The following NDST1 variants were observed in gnomAD, a reference collection of about 807,000 sequenced individuals.
NDST1 encodes bifunctional heparan sulfate N-deacetylase/N-sulfotransferase 1.
A neutral mutation model predicts 92.8 loss-of-function variants in NDST1; 35 were observed. The observed-to-expected ratio is 0.38, with a 90% CI of 0.29 to 0.50. The LOEUF (loss-of-function observed/expected upper bound fraction) is 0.50, where lower values mean the gene tolerates loss of function less well. Among genes scored for constraint, NDST1 ranks in the 20% least tolerant of loss-of-function variants. The pLI, the probability that NDST1 is intolerant of heterozygous loss-of-function variation, is 0.94. For synonymous variants in NDST1, 493 were observed against 500.3 expected (o/e 0.99, Z 0.19); for missense variants, 822 against 1,182.7 (o/e 0.69, Z 4.47).
chr5:150,541,816 G>A, intron 9 of NDST1, 150 bp downstream of exon 9: 1 of 758,462 alleles, frequency 1.3e-6, no homozygotes, highest in Non-Finnish European at 2.3e-6. Context: ...AACACAAATT[G>A]CCTGTCAGTA....
At chr5:150,540,392 A>C in intron 8 of NDST1, 128 bp downstream of exon 8, 10 of 1,015,886 alleles carry the variant, frequency 9.8e-6, no homozygotes, top group South Asian at 1.7e-5. Context: ...ATGTAAACTC[A>C]GGTCCCCATC....
chr5:150,533,255 T>TC (rs1413992685), intron 4 of NDST1, among the ~76,000 whole-genome samples: 2 of 152,234 alleles, frequency 1.3e-5, no homozygotes, highest in Non-Finnish European at 2.9e-5. Flanking sequence ...CAGCCGCTTG[T>TC]CCCTCCCTGT....
At chr5:150,543,120 A>T in intron 10 of NDST1, 149 bp downstream of exon 10, 1 of 1,115,496 alleles carries the variant, frequency 9.0e-7, no homozygotes, top group Non-Finnish European at 1.3e-6. Context: ...TGACCCTTGA[A>T]TCATGGTGTG....
At chr5:150,509,468 G>A (rs540746125) in intron 1 of NDST1, among the ~76,000 whole-genome samples, 35 of 152,238 alleles carry the variant, frequency 2.3e-4, no homozygotes, top group Admixed American at 5.2e-4. Context: ...TCTGACCCTC[G>A]CTCCTGCCTC....
intron 1 of NDST1, among the ~76,000 whole-genome samples, chr5:150,518,300 C>T (rs1482131349): frequency 2.0e-5 from 3 of 152,050 alleles, no homozygotes; most frequent in African/African-American, 7.2e-5. Flanking sequence ...ACCCCCATCC[C>T]ATCCCCGTCT....
In NDST1 at chr5:150,541,745, T is replaced by C; in HGVS notation, c.1846+79T>C. ...CAGAATTCTGAGGACTGCCTTGCCC[T>C]GGCCCCACTCCCGGATAATTTGCTC... On this transcript the variant is annotated intron_variant, in intron 9 of 14. Transcript: ENST00000261797. The C allele has an allele frequency of 6.8e-6, 9 of 1,325,994 alleles. No individual in the cohort carries two copies. In the Admixed American group the frequency reaches 1.4e-4, roughly 21 times the overall value. The allele number at this position is 1,325,994 out of a possible 1,614,324, so 82.1% of individuals were successfully genotyped here. A position where few individuals can be genotyped will look rare whatever the true frequency, so the allele number is the denominator to read the frequency against.
Position 150,536,914 on chromosome 5 carries a change from C to T in NDST1, c.1437+1029C>T, listed in dbSNP as rs371073316. On this transcript the variant is annotated intron_variant, in intron 6 of 14. Transcript: ENST00000261797. ...ACTGGGGACACAGAAATGCACAGAA[C>T]GGAGGAAAGTTCCTGCCCTTGTAGA... is the stretch of plus-strand genomic sequence containing the variant. Among the ~76,000 whole-genome samples, 151 of 152,350 alleles carry T rather than the reference C, an allele frequency of 9.9e-4. 3 individuals are homozygous for T. The South Asian group carries it at 0.022, about 22-fold the overall frequency.
At chr5:150,516,955 C>T (rs1021428390) in intron 1 of NDST1, among the ~76,000 whole-genome samples, 5 of 151,124 alleles carry the variant, frequency 3.3e-5, no homozygotes, top group African/African-American at 1.2e-4. Flanking sequence ...CGTGAGCCAC[C>T]ACACCATTAT....
At chr5:150,503,891 G>T (rs547293926), upstream of NDST1, among the ~76,000 whole-genome samples, 1 of 152,298 alleles carries the variant, frequency 6.6e-6, no homozygotes, top group East Asian at 1.9e-4. Flanking sequence ...TGAGGGAAGG[G>T]CTTTGGGGGT....
intron 1 of NDST1, among the ~76,000 whole-genome samples, chr5:150,514,396 C>T (rs1028257992): frequency 4.0e-5 from 6 of 151,872 alleles, no homozygotes; most frequent in East Asian, 1.9e-4. Context: ...ATGGCAAAAC[C>T]GCATATCTAC....
intron 1 of NDST1, among the ~76,000 whole-genome samples, chr5:150,518,627 T>C (rs565218291): frequency 6.6e-6 from 1 of 152,340 alleles, no homozygotes; most frequent in African/African-American, 2.4e-5. Context: ...CACAAAAATA[T>C]TTAACTAAAT....
chr5:150,510,965 A>C (rs1057111144), intron 1 of NDST1, among the ~76,000 whole-genome samples: 3 of 152,226 alleles, frequency 2.0e-5, no homozygotes, highest in South Asian at 2.1e-4. Context: ...TTAGGTGATC[A>C]CAGAGGGGCT....
Position 150,528,256 on chromosome 5 carries a change from C to T in NDST1, c.966C>T (p.Phe322=), listed in dbSNP as rs11959543. ...TCCTGGTGGACATTGATGACATCTT[C>T]GTGGGCAAGGAGGGCACACGCATGA... ...RYILVDIDDI[F]VGKEGTRMKV... is the part of the protein sequence containing the mutation. Residue 322 remains phenylalanine (F), a synonymous_variant, in exon 3 of 15, where the codon TTC becomes TTT. Transcript: ENST00000261797. 9.3e-4 allele frequency: 1,496 copies of T among 1,608,642 alleles called. 14 individuals carry two copies. The African/African-American group carries it at 0.017, about 19-fold the overall frequency.
intron 1 of NDST1, among the ~76,000 whole-genome samples, chr5:150,520,474 G>A (rs1294137268): frequency 6.6e-6 from 1 of 152,118 alleles, no homozygotes; most frequent in Non-Finnish European, 1.5e-5. Context: ...TCTACCTCTA[G>A]TTCCCAGGCT....
chr5:150,558,185 T>G lies in NDST1; in HGVS notation c.*4853T>G, dbSNP rs1333579544. The stretch of plus-strand genomic sequence containing the variant: ...CATTAATGTACAATCTCGAACTAAC[T>G]GCTAATAAAGTGGGGTTCTGTTTGT... On this transcript the variant is annotated 3_prime_UTR_variant, in exon 15 of 15. Coordinates refer to ENST00000261797, the MANE Select transcript of NDST1 (RefSeq NM_001543.5). 1 of 152,568 alleles carries G rather than the reference T, an allele frequency of 6.6e-6. No individual in the cohort carries two copies. The highest frequency in any genetic ancestry group is 2.4e-5 in the African/African-American group (1 of 41,414). The allele number at this position is 152,568 out of a possible 1,614,324, so 9.5% of individuals were successfully genotyped here. A position where few individuals can be genotyped will look rare whatever the true frequency, so the allele number is the denominator to read the frequency against.
chr5:150,549,011 G>GTATT (rs981719955), intron 12 of NDST1, among the ~76,000 whole-genome samples: 16 of 151,898 alleles, frequency 1.1e-4, no homozygotes, highest in Middle Eastern at 3.4e-3. Context: ...GGCTGTTTAT[G>GTATT]TATTTATTTA....
chr5:150,499,858 T>C (rs74954127), intron 1 of NDST1, among the ~76,000 whole-genome samples: 5,536 of 152,170 alleles, frequency 0.036, 119 homozygotes, highest in South Asian at 0.074. Context: ...TGGAGGAGTT[T>C]AGGGAGGGGA....
chr5:150,507,562 TCTTC>T, upstream of NDST1: 1 of 152,434 alleles, frequency 6.6e-6, no homozygotes, highest in Non-Finnish European at 1.5e-5. Context: ...CGGTCACCTT[TCTTC>T]CTTCTCTGCA....
intron 1 of NDST1, among the ~76,000 whole-genome samples, chr5:150,511,729 G>A (rs1191263362): frequency 6.6e-6 from 1 of 152,174 alleles, no homozygotes; most frequent in East Asian, 1.9e-4. Context: ...AGGCAGCACT[G>A]TGGGGGTGAT....
Sources: allele counts gnomAD v4.1 joint callset (sites outside exome capture counted in the v4.1 genomes callset), GRCh38; gene constraint gnomAD v4.1.1; transcripts MANE v1.5; gene names NCBI Gene and HGNC (gene_info 2026-07-23, HGNC 2026-07-21).